Variants in ADGRL3 observed in about 807,000 individuals in gnomAD.
ADGRL3 encodes the protein calcium-independent alpha-latrotoxin receptor 3.
Under a neutral mutation model 153.5 loss-of-function variants are expected in ADGRL3, and 62 were observed. The ratio of observed to expected loss-of-function variants is 0.40; its 90% confidence interval spans 0.33 to 0.50. The LOEUF (loss-of-function observed/expected upper bound fraction) is 0.50. Among genes scored for constraint, ADGRL3 ranks in the 20% least tolerant of loss-of-function variants. The pLI, the probability that ADGRL3 is intolerant of heterozygous loss-of-function variation, is 0.47. For missense variants in ADGRL3, 1,641 were observed against 1,859.4 expected (o/e 0.88, Z 2.16); for synonymous variants, 710 against 672.5 (o/e 1.06, Z -0.86).
chr4:61,979,147 A>C (rs927452741), intron 17 of ADGRL3, among the ~76,000 whole-genome samples: 2 of 152,206 alleles, frequency 1.3e-5, no homozygotes, highest in Admixed American at 6.5e-5. Context: ...TTGAGATACA[A>C]CTTCCCCAAG....
At chr4:61,295,793 C>T (rs1445204471) in intron 1 of ADGRL3, among the ~76,000 whole-genome samples, 1 of 147,458 alleles carries the variant, frequency 6.8e-6, no homozygotes, top group Non-Finnish European at 1.5e-5. Context: ...ACCACTGTCA[C>T]TACACAGATT....
At chr4:61,282,534 A>C (rs2150013589) in intron 1 of ADGRL3, among the ~76,000 whole-genome samples, 1 of 152,142 alleles carries the variant, frequency 6.6e-6, no homozygotes, top group East Asian at 1.9e-4. Context: ...GCAGGAAGTT[A>C]GATTTATAAT....
chr4:61,550,637 G>C (rs904100309), intron 4 of ADGRL3, among the ~76,000 whole-genome samples: 22 of 135,352 alleles, frequency 1.6e-4, no homozygotes, highest in African/African-American at 5.7e-4. Context: ...GGATAGCAAA[G>C]GAAAATTTTT....
At position 61,472,929 on chromosome 4, in the gene ADGRL3, C is replaced by T. The variant is rs139270041; in HGVS notation, c.-173-24192C>T. Reference sequence around the variant, plus strand: ...TATTATTTGGTACATTTTCTTTTGTCCCTTGTATCTGATTGAATTTTAGGA... The same window carrying T: ...TATTATTTGGTACATTTTCTTTTGTTCCTTGTATCTGATTGAATTTTAGGA... On this transcript the variant is annotated intron_variant, in intron 2 of 26. Coordinates refer to ENST00000683033, the MANE Select transcript of ADGRL3 (RefSeq NM_001387552.1). Among the ~76,000 whole-genome samples, 384 of 152,094 alleles carry T rather than the reference C, an allele frequency of 2.5e-3. 3 individuals are homozygous for T. The highest frequency in any genetic ancestry group is 8.8e-3 in the African/African-American group (364 of 41,500).
intron 1 of ADGRL3, among the ~76,000 whole-genome samples, chr4:61,347,091 T>C (rs1164637597): frequency 6.6e-6 from 1 of 152,080 alleles, no homozygotes; most frequent in Non-Finnish European, 1.5e-5. Context: ...TTAAAACAAC[T>C]TTCCTAGCAC....
intron 25 of ADGRL3, among the ~76,000 whole-genome samples, chr4:62,053,999 C>T (rs867266075): frequency 1.2e-4 from 18 of 151,524 alleles, no homozygotes; most frequent in South Asian, 2.1e-4. Flanking sequence ...GTGTGAGTAA[C>T]AGATAAATAT....
chr4:61,694,470 A>G (rs1370091779), intron 6 of ADGRL3, among the ~76,000 whole-genome samples: 7 of 152,146 alleles, frequency 4.6e-5, no homozygotes, highest in African/African-American at 1.4e-4. Context: ...GCTATAGTCT[A>G]TTAAGTGTGC....
rs373180668 is a variant in ADGRL3, at chr4:61,831,055, AT to A, written c.1480+17171del. On this transcript the variant is annotated intron_variant, in intron 9 of 26. Coordinates refer to ENST00000683033, the MANE Select transcript of ADGRL3 (RefSeq NM_001387552.1). ...AGGCACCTGCCACCACACCCGGCTA[AT>A]TTTTGTATTTCTAGTAGAGACAGGA... Among the ~76,000 whole-genome samples, 397 of 151,872 alleles carry A rather than the reference AT, an allele frequency of 2.6e-3. 3 individuals carry two copies. The highest frequency in any genetic ancestry group is 9.1e-3 in the African/African-American group (375 of 41,398).
chr4:61,576,769 T>A (rs1274820127), intron 4 of ADGRL3, among the ~76,000 whole-genome samples: 1 of 151,642 alleles, frequency 6.6e-6, no homozygotes, highest in African/African-American at 2.4e-5. Flanking sequence ...GCTACAAACA[T>A]GCACTCCGAA....
rs148968094 is a variant in ADGRL3 at position 61,602,678 on chromosome 4, T to G, written c.473+15238T>G. ...AGCTCACCAAAGGTCAGTCTGCAGG[T>G]TCTTGACAGAAAGCTTGAGAGACAG... is the stretch of plus-strand genomic sequence containing the variant. On this transcript the variant is annotated intron_variant, in intron 5 of 26. Transcript: ENST00000683033. 8.2e-4 allele frequency among the ~76,000 whole-genome samples: 125 copies of G among 152,244 alleles called. 1 individual carries two copies. The highest frequency in any genetic ancestry group is 6.8e-3 in the Middle Eastern group (2 of 294).
intron 9 of ADGRL3, among the ~76,000 whole-genome samples, chr4:61,835,176 A>C (rs1018037936): frequency 1.3e-5 from 2 of 152,112 alleles, no homozygotes; most frequent in African/African-American, 4.8e-5. Context: ...ATTGGGAGGA[A>C]TCTATCTGCT....
intron 5 of ADGRL3, among the ~76,000 whole-genome samples, chr4:61,621,041 GTTGTT>G (rs1168613609): frequency 6.6e-6 from 1 of 151,740 alleles, no homozygotes; most frequent in Non-Finnish European, 1.5e-5. Context: ...TTTTTTATTT[GTTGTT>G]TTGTTTTGTT....
At chr4:62,036,836 G>A (rs1467337175) in intron 23 of ADGRL3, among the ~76,000 whole-genome samples, 3 of 151,660 alleles carry the variant, frequency 2.0e-5, no homozygotes, top group African/African-American at 7.3e-5. Flanking sequence ...TGTTGTTATT[G>A]GTAATAGATA....
intron 8 of ADGRL3, among the ~76,000 whole-genome samples, chr4:61,795,282 T>G (rs2097396140): frequency 6.6e-6 from 1 of 152,140 alleles, no homozygotes; most frequent in African/African-American, 2.4e-5. Flanking sequence ...CACAATCCAC[T>G]ATGCCCAGCT....
chr4:61,991,049 T>A (rs1581774746), intron 19 of ADGRL3, among the ~76,000 whole-genome samples: 1 of 151,674 alleles, frequency 6.6e-6, no homozygotes, highest in East Asian at 1.9e-4. Context: ...ATGTAAACAG[T>A]ATGTATATAT....
intron 1 of ADGRL3, among the ~76,000 whole-genome samples, chr4:61,318,218 A>AC (rs1401585913): frequency 2.4e-4 from 35 of 146,530 alleles, no homozygotes; most frequent in African/African-American, 8.8e-4. Context: ...AAAAAAACAC[A>AC]AAACACACAC....
chr4:61,597,110 A>T (rs904627435), intron 5 of ADGRL3, among the ~76,000 whole-genome samples: 1 of 151,984 alleles, frequency 6.6e-6, no homozygotes, highest in Non-Finnish European at 1.5e-5. Context: ...AAGACTTGAG[A>T]TCTTTCCAAA....
chr4:61,843,401 A>G (rs901635399), intron 9 of ADGRL3, among the ~76,000 whole-genome samples: 1 of 152,118 alleles, frequency 6.6e-6, no homozygotes, highest in Admixed American at 6.5e-5. Context: ...GTCTTGGCCA[A>G]TAACATTATA....
chr4:61,213,045 A>AT (rs1740863691), intron 1 of ADGRL3, among the ~76,000 whole-genome samples: 1 of 152,180 alleles, frequency 6.6e-6, no homozygotes, highest in Non-Finnish European at 1.5e-5. Flanking sequence ...TGATAGTGAG[A>AT]TAACAATGGT....
Sources: gnomAD v4.1 joint callset for allele counts (sites outside exome capture counted in the v4.1 genomes callset) on GRCh38, gnomAD v4.1.1 for gene constraint, MANE v1.5 for transcripts, NCBI Gene and HGNC (gene_info 2026-07-23, HGNC 2026-07-21) for gene names.